Variants in MTHFD2L observed in about 807,000 individuals in gnomAD.
MTHFD2L encodes bifunctional methylenetetrahydrofolate dehydrogenase/cyclohydrolase 2, mitochondrial.
MTHFD2L carries 29 observed loss-of-function variants against 34.9 expected under a neutral mutation model. The observed-to-expected ratio is 0.83, with a 90% CI of 0.62 to 1.13. The LOEUF is 1.13. Ranked by LOEUF, MTHFD2L falls within the 50% of genes most tolerant of loss-of-function variation. MTHFD2L has a pLI of 0.00. For synonymous variants in MTHFD2L, 167 were observed against 155.7 expected (o/e 1.07, Z -0.54); for missense variants, 481 against 446.5 (o/e 1.08, Z -0.70).
chr4:74,270,089 T>A (rs1745762675), intron 6 of MTHFD2L, among the ~76,000 whole-genome samples: 1 of 152,118 alleles, frequency 6.6e-6, no homozygotes, highest in Non-Finnish European at 1.5e-5. Context: ...ATTCTTTTTT[T>A]AAATAGAAAG....
At chr4:74,264,214 T>C (rs745695008) in intron 6 of MTHFD2L, among the ~76,000 whole-genome samples, 28 of 151,976 alleles carry the variant, frequency 1.8e-4, no homozygotes, top group Non-Finnish European at 3.1e-4. Flanking sequence ...TACCATCAGG[T>C]AAAGAAAAGT....
intron 7 of MTHFD2L, among the ~76,000 whole-genome samples, chr4:74,293,205 C>T (rs756922587): frequency 6.6e-6 from 1 of 152,012 alleles, no homozygotes; most frequent in African/African-American, 2.4e-5. Flanking sequence ...TGCCCTCCAC[C>T]CCCGACAGGC....
chr4:74,199,767 A>G (rs1182327512), intron 3 of MTHFD2L, 27 bp from the exon 4 acceptor site: 1 of 1,571,324 alleles, frequency 6.4e-7, no homozygotes, highest in Admixed American at 1.8e-5. Flanking sequence ...CAATTTTAAA[A>G]TTAGACAAAT....
At chr4:74,191,249 A>G (rs895904774) in intron 3 of MTHFD2L, among the ~76,000 whole-genome samples, 6 of 152,102 alleles carry the variant, frequency 3.9e-5, no homozygotes, top group East Asian at 1.9e-4. Context: ...TACTGGTAAT[A>G]TGGTAGACAT....
At chr4:74,205,356 A>G (rs1735109576) in intron 5 of MTHFD2L, among the ~76,000 whole-genome samples, 1 of 152,210 alleles carries the variant, frequency 6.6e-6, no homozygotes, top group South Asian at 2.1e-4. Flanking sequence ...GCATATCTAT[A>G]GAACTTGTTC....
At chr4:74,193,819 T>C (rs943336784) in intron 3 of MTHFD2L, among the ~76,000 whole-genome samples, 1 of 152,188 alleles carries the variant, frequency 6.6e-6, no homozygotes, top group Non-Finnish European at 1.5e-5. Flanking sequence ...TTTATAAATT[T>C]TTAAGCATGC....
At chr4:74,118,720 A>G (rs1222023947), upstream of MTHFD2L, among the ~76,000 whole-genome samples, 2 of 152,202 alleles carry the variant, frequency 1.3e-5, no homozygotes, top group Admixed American at 6.5e-5. Flanking sequence ...ACAGTGGTCC[A>G]TGGCTTGTTA....
At chr4:74,249,855 T>A (rs927174606) in intron 6 of MTHFD2L, among the ~76,000 whole-genome samples, 2 of 152,232 alleles carry the variant, frequency 1.3e-5, no homozygotes, top group Non-Finnish European at 2.9e-5. Flanking sequence ...GATCCACTGT[T>A]AGTCTGATGG....
chr4:74,214,425 C>T (rs540748309), intron 5 of MTHFD2L, among the ~76,000 whole-genome samples: 2 of 151,910 alleles, frequency 1.3e-5, no homozygotes, highest in South Asian at 4.1e-4. Context: ...GGTGTTGATG[C>T]TACTCCTTTC....
At chr4:74,226,133 G>A (rs1358770145) in intron 6 of MTHFD2L, among the ~76,000 whole-genome samples, 1 of 151,966 alleles carries the variant, frequency 6.6e-6, no homozygotes, top group Non-Finnish European at 1.5e-5. Flanking sequence ...AACATAAGTG[G>A]CATTTCATAG....
intron 5 of MTHFD2L, among the ~76,000 whole-genome samples, chr4:74,214,968 A>C (rs758249836): frequency 6.6e-6 from 1 of 151,718 alleles, no homozygotes; most frequent in Non-Finnish European, 1.5e-5. Flanking sequence ...GCCTCCTTCA[A>C]ACTTCCTGGT....
intron 5 of MTHFD2L, among the ~76,000 whole-genome samples, chr4:74,211,407 T>C (rs1054167694): frequency 6.6e-6 from 1 of 152,210 alleles, no homozygotes; most frequent in Non-Finnish European, 1.5e-5. Flanking sequence ...GTGTTGAATT[T>C]TATTGAAGGC....
chr4:74,300,798 G>T (rs567736221), intron 7 of MTHFD2L, among the ~76,000 whole-genome samples: 14 of 152,082 alleles, frequency 9.2e-5, no homozygotes, highest in East Asian at 1.9e-4. Flanking sequence ...AATATCATTA[G>T]GTCAGAAATG....
intron 5 of MTHFD2L, among the ~76,000 whole-genome samples, chr4:74,219,623 G>A (rs1056979880): frequency 4.9e-4 from 75 of 152,154 alleles, no homozygotes; most frequent in Non-Finnish European, 5.6e-4. Context: ...TAAGAGGAAA[G>A]CTAGGTGTCA....
chr4:74,170,948 A>T (rs1175130104), intron 1 of MTHFD2L, among the ~76,000 whole-genome samples: 2 of 131,106 alleles, frequency 1.5e-5, no homozygotes, highest in Non-Finnish European at 3.1e-5. Context: ...TGCACACAGG[A>T]AGGGGAACAT....
chr4:74,132,988 A>AACT (rs1722662129), intron 1 of MTHFD2L, among the ~76,000 whole-genome samples: 1 of 152,158 alleles, frequency 6.6e-6, no homozygotes, highest in Non-Finnish European at 1.5e-5. Flanking sequence ...TTATACCTTG[A>AACT]AATATTTTCT....
chr4:74,149,589 A>C (rs1723806187), intron 1 of MTHFD2L, among the ~76,000 whole-genome samples: 1 of 152,232 alleles, frequency 6.6e-6, no homozygotes, highest in Non-Finnish European at 1.5e-5. Flanking sequence ...TTTGTGATTA[A>C]ATTATTTTTA....
chr4:74,199,842 A>G lies in MTHFD2L; in HGVS notation c.500A>G (p.Asp167Gly), dbSNP rs1560478829. Residue 167 changes from aspartate (D) to glycine (G), a missense_variant, in exon 4 of 8, where the codon GAT becomes GGT. Physicochemically the swap from Asp to Gly is moderately conservative, Grantham distance 94 (BLOSUM62 -1). Transcript: ENST00000325278. The stretch of plus-strand genomic sequence containing the variant: ...TGCAATGGAATTGCCCCAGAAAAAG[A>G]TGTAGATGGATTTCATATTATCAAT... The part of the protein sequence containing the change: ...TICNGIAPEK[D>G]VDGFHIINIG... The G allele has an allele frequency of 1.2e-5, 20 of 1,613,870 alleles. No homozygotes were observed. Among genetic ancestry groups the G allele is most frequent in the Non-Finnish European group, 1.7e-5 (20 of 1,179,844 alleles).
chr4:74,187,161 G>T (rs1731444790), intron 3 of MTHFD2L, among the ~76,000 whole-genome samples: 1 of 152,084 alleles, frequency 6.6e-6, no homozygotes, highest in Non-Finnish European at 1.5e-5. Flanking sequence ...CACTCTAACA[G>T]AAATGAAGAA....
Sources: gnomAD v4.1 joint callset for allele counts (sites outside exome capture counted in the v4.1 genomes callset) on GRCh38, gnomAD v4.1.1 for gene constraint, MANE v1.5 for transcripts, NCBI Gene and HGNC (gene_info 2026-07-23, HGNC 2026-07-21) for gene names.